CSF2RB: variants seen among roughly 807,000 people sequenced by gnomAD.
CSF2RB encodes cytokine receptor common subunit beta.
CSF2RB carries 22 observed loss-of-function variants against 67.2 expected under a neutral mutation model. That is an observed-to-expected ratio of 0.33 (90% CI 0.23 to 0.47). The LOEUF (loss-of-function observed/expected upper bound fraction) is 0.47, where lower values mean the gene tolerates loss of function less well. Among genes scored for constraint, CSF2RB ranks in the 20% least tolerant of loss-of-function variants. CSF2RB has a pLI of 1.00. For missense variants in CSF2RB, 1,113 were observed against 1,174.5 expected (o/e 0.95, Z 0.76); for synonymous variants, 507 against 482.9 (o/e 1.05, Z -0.65).
At position 36,929,388 on chromosome 22, in the gene CSF2RB, T is replaced by C. The variant is rs1941097864; in HGVS notation, c.392-14T>C. ...GGTCCAGCCCTTAGGTGCCCTTCACTTCCTCCCCTCCAGTCCAGCCTCCTG... is the reference window on the plus strand; with the variant it reads ...GGTCCAGCCCTTAGGTGCCCTTCACCTCCTCCCCTCCAGTCCAGCCTCCTG... On this transcript the variant is annotated splice_polypyrimidine_tract_variant and intron_variant, in intron 4 of 13. Coordinates refer to ENST00000403662, the MANE Select transcript of CSF2RB (RefSeq NM_000395.3). The C allele has an allele frequency of 1.2e-6, 2 of 1,614,096 alleles. No homozygotes were observed. Among genetic ancestry groups the C allele is most frequent in the East Asian group, 4.5e-5 (2 of 44,872 alleles).
intron 1 of CSF2RB, among the ~76,000 whole-genome samples, chr22:36,917,050 G>T (rs546512634): frequency 6.6e-6 from 1 of 152,256 alleles, no homozygotes; most frequent in East Asian, 1.9e-4. Flanking sequence ...CATCGCCTTT[G>T]GTTTCTGGCA....
In CSF2RB at chr22:36,930,849, C is replaced by A. The variant is rs778878463; in HGVS notation, c.1012+19C>A. On this transcript the variant is annotated intron_variant, in intron 8 of 13. Coordinates refer to ENST00000403662, the MANE Select transcript of CSF2RB (RefSeq NM_000395.3). ...GTGAACAGTGAGTTTGCTCCTAGCC[C>A]GCTGTGGGGATGGTCTGGGACCAGC... is the stretch of plus-strand genomic sequence containing the variant. 1.2e-6 allele frequency: 2 copies of A among 1,613,874 alleles called. No individual in the cohort carries two copies. Among genetic ancestry groups the A allele is most frequent in the Non-Finnish European group, 1.7e-6 (2 of 1,179,976 alleles).
In CSF2RB at chr22:36,922,165, C is replaced by T; in HGVS notation, c.-43C>T. On this transcript the variant is annotated 5_prime_UTR_variant, in exon 2 of 14. Transcript: ENST00000403662. Reference sequence around the variant, plus strand: ...GACCCTGTCATGCCCATGGCCAGCACCCACCAGTGCTGGTGCCTGCCTGTC... The same window carrying T: ...GACCCTGTCATGCCCATGGCCAGCATCCACCAGTGCTGGTGCCTGCCTGTC... The T allele has an allele frequency of 5.9e-6, 9 of 1,524,744 alleles. No homozygotes were observed. Among genetic ancestry groups the T allele is most frequent in the Non-Finnish European group, 8.0e-6 (9 of 1,124,516 alleles). The allele number at this position is 1,524,744 out of a possible 1,614,324, so 94.5% of individuals were successfully genotyped here. A position where few individuals can be genotyped will look rare whatever the true frequency, so the allele number is the denominator to read the frequency against.
chr22:36,922,729 A>G, intron 2 of CSF2RB: 1 of 293,004 alleles, frequency 3.4e-6, no homozygotes. Flanking sequence ...TGGGCTCTTG[A>G]GGTGAAATGG....
intron 1 of CSF2RB, among the ~76,000 whole-genome samples, chr22:36,915,949 T>C (rs776800593): frequency 5.9e-5 from 9 of 152,226 alleles, no homozygotes; most frequent in Non-Finnish European, 1.3e-4. Flanking sequence ...TCATCTCCTG[T>C]TGAATTCTCT....
chr22:36,935,454 T>C lies in CSF2RB; in HGVS notation c.1406+13T>C. On this transcript the variant is annotated intron_variant, in intron 11 of 13. Transcript: ENST00000403662. Reference sequence around the variant, plus strand: ...TCTACGGGTACAGGTGAGGGGACTCTGTGGGGCTGGAGGTGGCAGCCGAGA... The same window carrying C: ...TCTACGGGTACAGGTGAGGGGACTCCGTGGGGCTGGAGGTGGCAGCCGAGA... The C allele has an allele frequency of 6.2e-7, 1 of 1,613,908 alleles. No homozygotes were observed. Among genetic ancestry groups the C allele is most frequent in the Non-Finnish European group, 8.5e-7 (1 of 1,179,826 alleles).
At chr22:36,934,855 G>A (rs932620784) in intron 10 of CSF2RB, among the ~76,000 whole-genome samples, 2 of 152,228 alleles carry the variant, frequency 1.3e-5, no homozygotes, top group Non-Finnish European at 1.5e-5. Context: ...ATGGGCCCAA[G>A]AGAGGAGGAA....
chr22:36,922,367 T>C, intron 2 of CSF2RB, 84 bp downstream of exon 2: 1 of 1,347,188 alleles, frequency 7.4e-7, no homozygotes, highest in Non-Finnish European at 1.0e-6. Flanking sequence ...ATCCTCAGGA[T>C]CCTGCCCGCC....
At chr22:36,935,868 G>A (rs1320919897) in intron 12 of CSF2RB, among the ~76,000 whole-genome samples, 181 bp downstream of exon 12, 1 of 152,176 alleles carries the variant, frequency 6.6e-6, no homozygotes, top group Non-Finnish European at 1.5e-5. Flanking sequence ...ATTCCCTGGA[G>A]TGCCCACACC....
At chr22:36,916,615 T>G (rs1260433044) in intron 1 of CSF2RB, among the ~76,000 whole-genome samples, 1 of 152,128 alleles carries the variant, frequency 6.6e-6, no homozygotes, top group Non-Finnish European at 1.5e-5. Flanking sequence ...CCCAGCACTT[T>G]GGGAGGCTGA....
rs769554719 is a variant in CSF2RB, at chr22:36,922,293, G to C, written c.76+10G>C. 1 of 1,568,044 alleles carries C rather than the reference G, an allele frequency of 6.4e-7. No homozygotes were observed. Among genetic ancestry groups the C allele is most frequent in the South Asian group, 1.2e-5 (1 of 85,358 alleles). On this transcript the variant is annotated intron_variant, in intron 2 of 13. Coordinates refer to ENST00000403662, the MANE Select transcript of CSF2RB (RefSeq NM_000395.3). ...CTGGCAGGGGCAGAAGGTGAGTCCC[G>C]TGGCTCCCACCCACTTCCCTGTCCC...
intron 1 of CSF2RB, among the ~76,000 whole-genome samples, chr22:36,920,614 T>C (rs1186647750): frequency 6.6e-6 from 1 of 152,222 alleles, no homozygotes; most frequent in Non-Finnish European, 1.5e-5. Flanking sequence ...AGATTTTCTG[T>C]TTGCACTCCG....
In CSF2RB at chr22:36,932,850, A is replaced by G. The variant is rs1370534360; in HGVS notation, c.1098A>G (p.Glu366=). The change falls in exon 9 of 14, where the codon GAA becomes GAG. Residue 366 remains glutamate, a synonymous_variant. Transcript: ENST00000403662. ...GGGAAACAATGAAAATGCGATACGAACACATAGACCACACATTTGAGATCC... is the reference window on the plus strand; with the variant it reads ...GGGAAACAATGAAAATGCGATACGAGCACATAGACCACACATTTGAGATCC... ...LRWETMKMRY[E]HIDHTFEIQY... 3 of 1,614,220 alleles carry G rather than the reference A, an allele frequency of 1.9e-6. No homozygotes were observed. The highest frequency in any genetic ancestry group is 2.2e-5 in the South Asian group (2 of 91,084).
rs1941309282 is a variant in CSF2RB at position 36,938,011 on chromosome 22, G to A, written c.2203G>A (p.Gly735Ser). 1.9e-6 allele frequency: 3 copies of A among 1,613,982 alleles called. No individual in the cohort carries two copies. Among genetic ancestry groups the A allele is most frequent in the Non-Finnish European group, 2.5e-6 (3 of 1,179,960 alleles). The change falls in exon 14 of 14, where the codon GGC becomes AGC. Residue 735 changes from glycine to serine, a missense_variant. By Grantham distance (56) the Gly-to-Ser change is moderately conservative (BLOSUM62 0). This residue lies in a region of CSF2RB where 554 missense variants were observed against 517.9 expected (regional missense o/e 1.07). Transcript: ENST00000403662. Reference protein sequence around the residue: ...ASSVSLVPSLGLPSDQTPSLC... With the variant: ...ASSVSLVPSLSLPSDQTPSLC... The stretch of plus-strand genomic sequence containing the variant: ...GTCTGTCTCCCTAGTTCCCTCTCTG[G>A]GCCTCCCCTCAGACCAGACCCCCAG...
rs774444115 is a variant in CSF2RB, at chr22:36,937,424, T to C, written c.1616T>C (p.Ile539Thr). Residue 539 changes from isoleucine to threonine, a missense_variant, in exon 14 of 14, where the codon ATA (isoleucine) becomes ACA (threonine). Physicochemically the swap from Ile to Thr is moderately conservative, Grantham distance 89. Transcript: ENST00000403662. The surrounding 1 kb of genome is among the most constrained non-coding windows in gnomAD (Gnocchi z 4.6). ...FGDSEVSPLT[I>T]EDPKHVCDPP... is the part of the protein sequence containing the mutation. ...GACAGCGAGGTGTCACCTCTCACCA[T>C]AGAGGACCCCAAGCATGTCTGTGAT... 3.1e-6 allele frequency: 5 copies of C among 1,613,992 alleles called. No individual in the cohort carries two copies. The South Asian group carries it at 4.4e-5, about 14-fold the overall frequency.
rs115580664 is a variant in CSF2RB at position 36,937,404 on chromosome 22, C to T, written c.1596C>T (p.Ser532=). The T allele has an allele frequency of 8.9e-4, 1,429 of 1,613,860 alleles. 10 individuals carry two copies. In the African/African-American group the frequency reaches 0.017, roughly 19 times the overall value. Reference sequence around the variant, plus strand: ...TGTTCCCTGTAGGATTCGGGGACAGCGAGGTGTCACCTCTCACCATAGAGG... The same window carrying T: ...TGTTCCCTGTAGGATTCGGGGACAGTGAGGTGTCACCTCTCACCATAGAGG... ...EGVFPVGFGD[S]EVSPLTIEDP... Residue 532 remains serine, a synonymous_variant, in exon 14 of 14, where the codon AGC becomes AGT. Coordinates refer to ENST00000403662, the MANE Select transcript of CSF2RB (RefSeq NM_000395.3). This position sits in a 1 kb window ranked among gnomAD's most constrained non-coding sequence, Gnocchi z 4.6.
intron 1 of CSF2RB, among the ~76,000 whole-genome samples, chr22:36,921,251 T>C (rs1940860464): frequency 7.0e-6 from 1 of 141,908 alleles, no homozygotes; most frequent in Admixed American, 7.6e-5. Flanking sequence ...TGTGTGTGTG[T>C]TTGTATGTGT....
intron 9 of CSF2RB, among the ~76,000 whole-genome samples, chr22:36,933,333 C>G (rs760093014): frequency 4.6e-5 from 7 of 152,170 alleles, no homozygotes; most frequent in Non-Finnish European, 1.0e-4. Context: ...TCCCCTGCCT[C>G]CACAGAGCCC....
intron 1 of CSF2RB, among the ~76,000 whole-genome samples, chr22:36,917,646 G>A (rs867719916): frequency 1.3e-5 from 2 of 152,000 alleles, no homozygotes; most frequent in African/African-American, 4.8e-5. Context: ...TTTCTGGGTC[G>A]GGCACAGTGG....
Sources: gnomAD v4.1 joint callset for allele counts (sites outside exome capture counted in the v4.1 genomes callset) on GRCh38, gnomAD v4.1.1 for gene constraint, gnomAD v4.1.1 regional missense constraint, Gnocchi (gnomAD v3.1) non-coding constraint, MANE v1.5 for transcripts, NCBI Gene and HGNC (gene_info 2026-07-23, HGNC 2026-07-21) for gene names.